The following LYPD6B variants were observed in gnomAD, a reference collection of about 807,000 sequenced individuals.
The protein encoded by LYPD6B is ly6/PLAUR domain-containing protein 6B.
In LYPD6B, 17 loss-of-function variants were observed where a neutral mutation model predicts 22.8. That is an observed-to-expected ratio of 0.75 (90% confidence interval 0.51 to 1.12). The LOEUF is 1.12. Ranked by LOEUF, LYPD6B falls within the 50% of genes most tolerant of loss-of-function variation. The pLI, the probability that LYPD6B is intolerant of heterozygous loss-of-function variation, is 0.00. For missense variants in LYPD6B, 221 were observed against 258.3 expected, an observed-to-expected ratio of 0.86 and a Z score of 0.99; for synonymous variants, 106 against 91.6, an observed-to-expected ratio of 1.16 and a Z score of -0.90.
intron 2 of LYPD6B, chr2:149,131,231 G>A: frequency 2.5e-6 from 1 of 399,304 alleles, no homozygotes; most frequent in Non-Finnish European, 4.4e-6. Flanking sequence ...ATTTGCAATT[G>A]TGGATTCATT....
chr2:149,155,187 T>C (rs1373248273), intron 2 of LYPD6B, among the ~76,000 whole-genome samples: 1 of 152,190 alleles, frequency 6.6e-6, no homozygotes, highest in Non-Finnish European at 1.5e-5. Flanking sequence ...AATCATCCTT[T>C]TGCTTCTCCC....
chr2:149,141,475 G>A (rs1166728721), intron 2 of LYPD6B, among the ~76,000 whole-genome samples: 1 of 152,162 alleles, frequency 6.6e-6, no homozygotes. Context: ...AATCAGATTT[G>A]TAAAGCCATT....
intron 1 of LYPD6B, among the ~76,000 whole-genome samples, chr2:149,046,794 T>C (rs1683327380): frequency 1.3e-5 from 2 of 152,188 alleles, no homozygotes; most frequent in Non-Finnish European, 2.9e-5. Context: ...TACTTCTCTT[T>C]TATGTTTTGT....
chr2:149,077,877 T>A (rs1684948675), intron 1 of LYPD6B, among the ~76,000 whole-genome samples: 1 of 152,208 alleles, frequency 6.6e-6, no homozygotes, highest in Non-Finnish European at 1.5e-5. Flanking sequence ...TGATCTGATG[T>A]CATTCAGAAA....
intron 1 of LYPD6B, among the ~76,000 whole-genome samples, chr2:149,092,203 T>A (rs1685687318): frequency 6.6e-6 from 1 of 151,884 alleles, no homozygotes; most frequent in Non-Finnish European, 1.5e-5. Context: ...GGGGGGAATT[T>A]TAGATGTCAA....
intron 3 of LYPD6B, among the ~76,000 whole-genome samples, chr2:149,203,324 T>G (rs550405810): frequency 2.8e-4 from 43 of 152,286 alleles, no homozygotes; most frequent in African/African-American, 7.9e-4. Context: ...TAAGAACACT[T>G]GAATATTGCT....
chr2:149,125,851 G>A (rs115836471), intron 1 of LYPD6B, among the ~76,000 whole-genome samples: 2,228 of 152,180 alleles, frequency 0.015, 23 homozygotes, highest in Non-Finnish European at 0.022. Flanking sequence ...CCTTCCTAAA[G>A]TAAGGTCTTT....
intron 3 of LYPD6B, among the ~76,000 whole-genome samples, chr2:149,199,655 C>T (rs532586722): frequency 1.3e-5 from 2 of 152,306 alleles, no homozygotes; most frequent in South Asian, 2.1e-4. Flanking sequence ...GTAAGCTCAA[C>T]TTCTCTCTCC....
chr2:149,190,777 A>C (rs1284150906), intron 3 of LYPD6B, among the ~76,000 whole-genome samples: 1 of 152,112 alleles, frequency 6.6e-6, no homozygotes, highest in African/African-American at 2.4e-5. Flanking sequence ...TCTAGTAGCT[A>C]TTTCCATATT....
intron 3 of LYPD6B, among the ~76,000 whole-genome samples, chr2:149,174,444 G>T (rs1031979292): frequency 2.0e-5 from 3 of 152,156 alleles, no homozygotes; most frequent in Non-Finnish European, 4.4e-5. Flanking sequence ...GTGAGAGAGG[G>T]CATCCTTGTC....
chr2:149,150,590 T>TC, intron 2 of LYPD6B, among the ~76,000 whole-genome samples: 1 of 151,762 alleles, frequency 6.6e-6, no homozygotes, highest in Non-Finnish European at 1.5e-5. Flanking sequence ...TTTGTAATTT[T>TC]TTCCCCTTCT....
intron 1 of LYPD6B, among the ~76,000 whole-genome samples, chr2:149,040,464 G>A (rs1683026968): frequency 6.6e-6 from 1 of 152,110 alleles, no homozygotes; most frequent in South Asian, 2.1e-4. Context: ...AACCTCAAGT[G>A]ATCTGCCCGT....
intron 1 of LYPD6B, among the ~76,000 whole-genome samples, chr2:149,088,243 ACT>A (rs1685491852): frequency 6.6e-6 from 1 of 151,162 alleles, no homozygotes; most frequent in Non-Finnish European, 1.5e-5. Context: ...CTAACCTATA[ACT>A]CTCTCAGAGG....
intron 3 of LYPD6B, among the ~76,000 whole-genome samples, chr2:149,190,027 C>G (rs1692392252): frequency 1.3e-5 from 2 of 152,150 alleles, no homozygotes; most frequent in Non-Finnish European, 2.9e-5. Context: ...TAAATCAAAA[C>G]AGTGAAATGA....
At chr2:149,198,828 G>A (rs1309074412) in intron 3 of LYPD6B, among the ~76,000 whole-genome samples, 1 of 152,192 alleles carries the variant, frequency 6.6e-6, no homozygotes, top group Non-Finnish European at 1.5e-5. Context: ...TGATGGGACT[G>A]CTGTATTACA....
At chr2:149,054,754 C>T (rs1249953948) in intron 1 of LYPD6B, among the ~76,000 whole-genome samples, 2 of 152,064 alleles carry the variant, frequency 1.3e-5, no homozygotes, top group African/African-American at 4.8e-5. Context: ...TGGCGTGCAC[C>T]TGCAGTTCCA....
Position 149,131,251 on chromosome 2 carries a change from A to G in LYPD6B, c.5+298A>G, listed in dbSNP as rs561225114. ...CAATTGTGGATTCATTTCATCTTGT[A>G]TGCTTTTATGTTATAGGTTCCTTAA... On this transcript the variant is annotated intron_variant, in intron 2 of 6. Coordinates refer to ENST00000409642, the MANE Select transcript of LYPD6B (RefSeq NM_177964.5). The G allele has an allele frequency of 1.2e-3, 427 of 360,296 alleles. 3 individuals are homozygous for G. The highest frequency in any genetic ancestry group is 8.6e-3 in the African/African-American group (404 of 47,176). 22.3% of individuals were successfully genotyped at this position (360,296 alleles called of 1,614,324 possible).
At chr2:149,113,831 C>A (rs1463919641) in intron 1 of LYPD6B, among the ~76,000 whole-genome samples, 3 of 152,152 alleles carry the variant, frequency 2.0e-5, no homozygotes, top group Non-Finnish European at 4.4e-5. Flanking sequence ...CTGGAGTGAA[C>A]TGCATGGTTA....
intron 3 of LYPD6B, among the ~76,000 whole-genome samples, chr2:149,204,287 G>T (rs888416074): frequency 6.6e-6 from 1 of 152,188 alleles, no homozygotes; most frequent in Non-Finnish European, 1.5e-5. Context: ...CTAATAAATA[G>T]CAGAGCCAGC....
Sources: gnomAD v4.1 joint callset for allele counts (sites outside exome capture counted in the v4.1 genomes callset) on GRCh38, gnomAD v4.1.1 for gene constraint, MANE v1.5 for transcripts, NCBI Gene and HGNC (gene_info 2026-07-23, HGNC 2026-07-21) for gene names.